HDAC1: variants seen among roughly 807,000 people sequenced by gnomAD.
HDAC1 encodes the protein protein deacetylase HDAC1.
In HDAC1, 18 loss-of-function variants were observed where a neutral mutation model predicts 65.5. That is an observed-to-expected ratio of 0.27 (90% CI 0.19 to 0.41). The LOEUF (loss-of-function observed/expected upper bound fraction) is 0.41. HDAC1 is among the 10% of genes least tolerant of loss of function. The pLI is 1.00. For missense variants in HDAC1, 373 were observed against 625.2 expected, an observed-to-expected ratio of 0.60 and a Z score of 4.30; for synonymous variants, 211 against 227.9, an observed-to-expected ratio of 0.93 and a Z score of 0.67.
chr1:32,306,911 G>C (rs1030101407), intron 2 of HDAC1, among the ~76,000 whole-genome samples: 1 of 152,028 alleles, frequency 6.6e-6, no homozygotes, highest in Non-Finnish European at 1.5e-5. Flanking sequence ...AATAAACTAG[G>C]ACAATTATAG....
intron 1 of HDAC1, among the ~76,000 whole-genome samples, chr1:32,296,722 A>T (rs1569998869): frequency 6.6e-6 from 1 of 152,064 alleles, no homozygotes; most frequent in Non-Finnish European, 1.5e-5. Context: ...GTAGGGAGAG[A>T]GGATTGTTGA....
intron 2 of HDAC1, among the ~76,000 whole-genome samples, chr1:32,313,547 G>A (rs1013031032): frequency 2.0e-5 from 3 of 152,220 alleles, no homozygotes; most frequent in African/African-American, 7.2e-5. Context: ...GTGCCTGAAA[G>A]AGTGACTGTC....
chr1:32,321,549 G>A (rs547499188), intron 3 of HDAC1, among the ~76,000 whole-genome samples: 2 of 152,188 alleles, frequency 1.3e-5, no homozygotes, highest in East Asian at 3.9e-4. Context: ...AATGAGAAAA[G>A]CGTTTATAGC....
intron 2 of HDAC1, among the ~76,000 whole-genome samples, chr1:32,307,245 C>CA (rs1640924612): frequency 6.6e-6 from 1 of 151,520 alleles, no homozygotes; most frequent in African/African-American, 2.4e-5. Context: ...AACTCCTTCC[C>CA]AAAAATAAAA....
In HDAC1 at chr1:32,330,418, C is replaced by T; in HGVS notation, c.730-160C>T. On this transcript the variant is annotated intron_variant, in intron 7 of 13. Coordinates refer to ENST00000373548, the MANE Select transcript of HDAC1 (RefSeq NM_004964.3). The surrounding 1 kb of genome is among the most constrained non-coding windows in gnomAD (Gnocchi z 4.2). Reference sequence around the variant, plus strand: ...TTGGAAAATTGAAATCCCAAGTGGGCAAGCAAGGGCTCCAGCCTAGCACTC... The same window carrying T: ...TTGGAAAATTGAAATCCCAAGTGGGTAAGCAAGGGCTCCAGCCTAGCACTC... 1.5e-6 allele frequency: 1 copy of T among 648,498 alleles called. No homozygotes were observed. Among genetic ancestry groups the T allele is most frequent in the Non-Finnish European group, 2.8e-6 (1 of 361,250 alleles). The allele number at this position is 648,498 out of a possible 1,614,324, so 40.2% of individuals were successfully genotyped here.
intron 1 of HDAC1, among the ~76,000 whole-genome samples, chr1:32,296,446 C>T (rs1640767741): frequency 6.6e-6 from 1 of 152,184 alleles, no homozygotes; most frequent in Non-Finnish European, 1.5e-5. Context: ...CTCACTACCA[C>T]CTCTGCCTCC....
chr1:32,328,780 C>A (rs542574908), intron 6 of HDAC1, among the ~76,000 whole-genome samples: 1 of 152,322 alleles, frequency 6.6e-6, no homozygotes, highest in African/African-American at 2.4e-5. Flanking sequence ...CTAACCCAAT[C>A]CCAAGGTAGA....
At chr1:32,295,102 A>C (rs1640750109) in intron 1 of HDAC1, among the ~76,000 whole-genome samples, 1 of 152,170 alleles carries the variant, frequency 6.6e-6, no homozygotes. Flanking sequence ...AGTCTGCTAT[A>C]ACAGAACACT....
rs1357446511 is a variant in HDAC1, at chr1:32,332,256, C to T, written c.1372+14C>T. On this transcript the variant is annotated intron_variant, in intron 12 of 13. Transcript: ENST00000373548. Reference sequence around the variant, plus strand: ...AGGAGAAGAAAGGTGGGTTTGGGTTCAGCTGGGACTTGGGTCTCGAGCCTG... The same window carrying T: ...AGGAGAAGAAAGGTGGGTTTGGGTTTAGCTGGGACTTGGGTCTCGAGCCTG... 4 of 1,604,690 alleles carry T rather than the reference C, an allele frequency of 2.5e-6. No homozygotes were observed. Among genetic ancestry groups the T allele is most frequent in the Non-Finnish European group, 8.5e-7 (1 of 1,175,556 alleles).
At chr1:32,306,931 G>A (rs906488470) in intron 2 of HDAC1, among the ~76,000 whole-genome samples, 7 of 152,160 alleles carry the variant, frequency 4.6e-5, no homozygotes, top group East Asian at 1.9e-4. Context: ...GCAATAAGCC[G>A]TTTACAGTTT....
rs540939629 is a variant in HDAC1, at chr1:32,332,009, C to T, written c.1220-81C>T. The T allele has an allele frequency of 3.0e-4, 440 of 1,454,484 alleles. 2 individuals carry two copies. The East Asian group carries it at 7.4e-3, about 25-fold the overall frequency. The allele number at this position is 1,454,484 out of a possible 1,614,324, so 90.1% of individuals were successfully genotyped here. On this transcript the variant is annotated intron_variant, in intron 11 of 13. Coordinates refer to ENST00000373548, the MANE Select transcript of HDAC1 (RefSeq NM_004964.3). ...TTCCCTTGGTGTCTCTTGGAGGACA[C>T]GCAGGGAAGCACTGGGCATAGATGC...
rs1641300953 is a variant in HDAC1, at chr1:32,332,147, A to T, written c.1277A>T (p.Glu426Val). ...GAAGAGTTCTCCGATTCTGAAGAGG[A>T]GGGAGAGGGGGGCCGCAAGAACTCT... ...CEEEFSDSEE[E>V]GEGGRKNSSN... is the part of the protein sequence containing the mutation. Residue 426 changes from glutamate (E) to valine (V), a missense_variant, in exon 12 of 14, where the codon GAG becomes GTG. Glu to Val is a moderately radical substitution (Grantham distance 121, BLOSUM62 -2). Transcript: ENST00000373548. 1 of 1,613,050 alleles carries T rather than the reference A, an allele frequency of 6.2e-7. No homozygotes were observed. Among genetic ancestry groups the T allele is most frequent in the South Asian group, 1.1e-5 (1 of 91,042 alleles).
chr1:32,332,512 G>C (rs1641307902), intron 12 of HDAC1, among the ~76,000 whole-genome samples, 189 bp from the exon 13 acceptor site: 1 of 152,206 alleles, frequency 6.6e-6, no homozygotes, highest in Non-Finnish European at 1.5e-5. Flanking sequence ...CCAGGTTCTG[G>C]CTGTAGCAGG....
chr1:32,309,548 A>G (rs887627603), intron 2 of HDAC1, among the ~76,000 whole-genome samples: 2 of 151,944 alleles, frequency 1.3e-5, no homozygotes, highest in African/African-American at 2.4e-5. Flanking sequence ...TTAGCTGGGC[A>G]TGGTGGTGGA....
intron 3 of HDAC1, among the ~76,000 whole-genome samples, chr1:32,324,162 T>C: frequency 6.6e-6 from 1 of 150,888 alleles, no homozygotes; most frequent in Non-Finnish European, 1.5e-5. Context: ...TAGTCCAAAG[T>C]ACTTGGGAGA....
At position 32,300,518 on chromosome 1, in the gene HDAC1, A is replaced by T. The variant is rs115271497; in HGVS notation, c.50-2103A>T. Among the ~76,000 whole-genome samples the T allele has an allele frequency of 9.8e-3, 1,493 of 152,166 alleles. 20 individuals are homozygous for T. Among genetic ancestry groups the T allele is most frequent in the African/African-American group, 0.035 (1,450 of 41,508 alleles). ...TGCACTGAGCCGCCGAGATAGTACC[A>T]TTGCACTCCAGCCTAGGCGACAGAG... On this transcript the variant is annotated intron_variant, in intron 1 of 13. Coordinates refer to ENST00000373548, the MANE Select transcript of HDAC1 (RefSeq NM_004964.3).
intron 1 of HDAC1, among the ~76,000 whole-genome samples, chr1:32,301,961 G>C (rs765605596): frequency 2.0e-5 from 3 of 152,164 alleles, no homozygotes; most frequent in Non-Finnish European, 4.4e-5. Flanking sequence ...TGTAGGGGAT[G>C]GGGAGCCATA....
chr1:32,332,945 A>C, intron 13 of HDAC1, 72 bp from the exon 14 acceptor site: 1 of 1,492,852 alleles, frequency 6.7e-7, no homozygotes, highest in Non-Finnish European at 9.3e-7. Flanking sequence ...ATCCTGTGGA[A>C]GTCACTGTCT....
chr1:32,311,553 C>T (rs1640993548), intron 2 of HDAC1, among the ~76,000 whole-genome samples: 1 of 151,770 alleles, frequency 6.6e-6, no homozygotes, highest in Admixed American at 6.6e-5. Context: ...GAAAGAAGGA[C>T]ATAGGAAAAA....
Sources: allele counts gnomAD v4.1 joint callset (sites outside exome capture counted in the v4.1 genomes callset), GRCh38; gene constraint gnomAD v4.1.1; non-coding constraint Gnocchi (gnomAD v3.1); transcripts MANE v1.5; gene names NCBI Gene and HGNC (gene_info 2026-07-23, HGNC 2026-07-21).